Variants in DPH6 observed in about 807,000 individuals in gnomAD.
DPH6 encodes diphthine--ammonia ligase.
Under a neutral mutation model 38.2 loss-of-function variants are expected in DPH6, and 33 were observed. That is an observed-to-expected ratio of 0.86 (90% CI 0.65 to 1.15). The LOEUF is 1.15. DPH6 is among the 50% of genes most tolerant of loss of function. The pLI is 0.00. For missense variants in DPH6, 325 were observed against 320.0 expected (o/e 1.02, Z -0.12); for synonymous variants, 108 against 103.0 (o/e 1.05, Z -0.30).
chr15:35,335,372 TTTTTA>T (rs202062754), intron 3 of DPH6, among the ~76,000 whole-genome samples: 241 of 152,184 alleles, frequency 1.6e-3, no homozygotes, highest in African/African-American at 5.2e-3. Context: ...GTTTTTTTAT[TTTTTA>T]TTTTATTTTA....
chr15:35,365,680 A>T (rs2052652299), intron 3 of DPH6, among the ~76,000 whole-genome samples: 1 of 152,110 alleles, frequency 6.6e-6, no homozygotes, highest in Admixed American at 6.6e-5. Flanking sequence ...ACACTCTTGC[A>T]TTGCCCAGTT....
rs934714094 is a variant in DPH6, at chr15:35,375,822, C to CA, written c.663-2215dup. 8.3e-4 allele frequency among the ~76,000 whole-genome samples: 121 copies of CA among 145,656 alleles called. 2 individuals are homozygous for CA. The highest frequency in any genetic ancestry group is 2.2e-3 in the East Asian group (11 of 5,042). ...TGGGGTCAGGCTCTACCTCTCACCT[C>CA]AAAAAAAAAAATGGTATTCCCTCTT... On this transcript the variant is annotated intron_variant, in intron 7 of 8. Transcript: ENST00000256538.
intron 3 of DPH6, among the ~76,000 whole-genome samples, chr15:35,510,486 T>C (rs2054754391): frequency 6.6e-6 from 1 of 152,328 alleles, no homozygotes; most frequent in East Asian, 1.9e-4. Flanking sequence ...TATCAGGTAA[T>C]TTTCCTACAT....
In DPH6 at chr15:35,261,702, G is replaced by A. The variant is rs144346167; in HGVS notation, n.201-41120C>T. 2.5e-3 allele frequency among the ~76,000 whole-genome samples: 386 copies of A among 152,096 alleles called. 1 individual carries two copies. Among genetic ancestry groups the A allele is most frequent in the African/African-American group, 8.8e-3 (365 of 41,474 alleles). ...TAAAAAGTTATTTGGGTGTGGTGGC[G>A]TATGCTTGTAGTCTCAGCTACTTGA... On this transcript the variant is annotated intron_variant and non_coding_transcript_variant, in intron 3 of 3. Coordinates refer to the DPH6 transcript ENST00000560386.
At chr15:35,385,468 G>A (rs1052134118) in intron 6 of DPH6, among the ~76,000 whole-genome samples, 3 of 152,092 alleles carry the variant, frequency 2.0e-5, no homozygotes, top group Non-Finnish European at 4.4e-5. Context: ...GCCTTTGCAG[G>A]GACATGGATG....
chr15:35,546,120 T>C lies in DPH6; in HGVS notation c.22A>G (p.Ser8Gly), dbSNP rs745951697. The C allele has an allele frequency of 2.8e-6, 4 of 1,406,130 alleles. No individual in the cohort carries two copies. The highest frequency in any genetic ancestry group is 3.2e-5 in the South Asian group (2 of 62,724). The allele number at this position is 1,406,130 out of a possible 1,614,324, so 87.1% of individuals were successfully genotyped here. A position where few individuals can be genotyped will look rare whatever the true frequency, so the allele number is the denominator to read the frequency against. ...GAGGCGGCTCCAGGACCGCATTACC[T>C]GATCAGAGCCGCGACCCTCATGCTG... The part of the protein sequence containing the change: MRVAALI[S>G]GGKDSCYNMM... Residue 8 changes from serine to glycine, a missense_variant and splice_region_variant, in exon 1 of 9, where the codon AGT (serine) becomes GGT (glycine). Ser to Gly is a moderately conservative substitution (Grantham distance 56, BLOSUM62 0). Transcript: ENST00000256538.
At chr15:35,279,737 G>A (rs1433437244) in intron 3 of DPH6, among the ~76,000 whole-genome samples, 1 of 152,110 alleles carries the variant, frequency 6.6e-6, no homozygotes, top group African/African-American at 2.4e-5. Flanking sequence ...GCAGAACTGT[G>A]AGCCAATCAA....
At chr15:35,401,104 A>G in intron 6 of DPH6, 2 of 902,628 alleles carry the variant, frequency 2.2e-6, no homozygotes, top group Non-Finnish European at 3.7e-6. Context: ...TGCCTTTGTA[A>G]CCTTTGATGA....
chr15:35,440,893 T>C (rs1184621865), intron 5 of DPH6, among the ~76,000 whole-genome samples: 5 of 152,226 alleles, frequency 3.3e-5, no homozygotes, highest in South Asian at 2.1e-4. Context: ...GAGAAAATTT[T>C]TGCAATCTAT....
chr15:35,538,367 G>T lies in DPH6; in HGVS notation c.219C>A (p.Thr73=). Residue 73 remains threonine, a synonymous_variant, in exon 3 of 9, where the codon ACC becomes ACA. Transcript: ENST00000256538. The part of the protein sequence containing the change: ...EAMALPLYRR[T]IRGRSLDTRQ... ...TTGTATCCAAGCTCCTTCCTCTTAT[G>T]GTTCGGCGATAGAGGGGAAGAGCCA... is the stretch of plus-strand genomic sequence containing the variant. The T allele has an allele frequency of 6.2e-7, 1 of 1,611,840 alleles. No homozygotes were observed.
chr15:35,272,284 T>C (rs2051827180), intron 3 of DPH6, among the ~76,000 whole-genome samples: 1 of 152,182 alleles, frequency 6.6e-6, no homozygotes. Context: ...CCATTTAATA[T>C]AAGGCACTTG....
At chr15:35,474,278 T>G (rs979623250) in intron 3 of DPH6, among the ~76,000 whole-genome samples, 1 of 152,176 alleles carries the variant, frequency 6.6e-6, no homozygotes, top group Non-Finnish European at 1.5e-5. Context: ...TAATTAGCTC[T>G]GATCTACATA....
chr15:35,361,212 A>C (rs1777734386), intron 3 of DPH6, among the ~76,000 whole-genome samples: 1 of 152,158 alleles, frequency 6.6e-6, no homozygotes, highest in Admixed American at 6.5e-5. Context: ...TGGCCCTCCA[A>C]AGTCTTGGGC....
intron 3 of DPH6, among the ~76,000 whole-genome samples, chr15:35,225,163 A>C (rs2051472133): frequency 6.6e-6 from 1 of 152,160 alleles, no homozygotes; most frequent in African/African-American, 2.4e-5. Context: ...TTTGTCTCTC[A>C]ATCTGAGTTT....
At chr15:35,445,495 C>G (rs549413464) in intron 5 of DPH6, among the ~76,000 whole-genome samples, 4 of 146,554 alleles carry the variant, frequency 2.7e-5, no homozygotes, top group African/African-American at 1.0e-4. Flanking sequence ...ATTTTTTTTT[C>G]AATACGTATA....
the DPH6 span, among the ~76,000 whole-genome samples, chr15:35,188,602 C>T: frequency 1.3e-5 from 2 of 152,188 alleles, no homozygotes; most frequent in Non-Finnish European, 2.9e-5. Flanking sequence ...CTAAAACTTG[C>T]CTTGGTCTCT....
Position 35,432,177 on chromosome 15 carries a change from C to T in DPH6, c.505+18508G>A, listed in dbSNP as rs117488492. Among the ~76,000 whole-genome samples the T allele has an allele frequency of 5.4e-3, 818 of 151,516 alleles. 4 individuals carry two copies. The highest frequency in any genetic ancestry group is 7.5e-3 in the Non-Finnish European group (510 of 67,908). On this transcript the variant is annotated intron_variant, in intron 5 of 8. Transcript: ENST00000256538. ...AAGAGTCTTCCAGATAAACATAAAG[C>T]GTAGAGGTATATGAAATTAGAGGAA...
downstream of DPH6, among the ~76,000 whole-genome samples, chr15:35,212,622 GAGCA>G (rs2051393925): frequency 6.6e-6 from 1 of 152,210 alleles, no homozygotes; most frequent in South Asian, 2.1e-4. Context: ...TTTCATTAAA[GAGCA>G]AAGCATATTA....
the DPH6 span, among the ~76,000 whole-genome samples, chr15:35,210,024 G>A: frequency 6.6e-6 from 1 of 152,184 alleles, no homozygotes; most frequent in Non-Finnish European, 1.5e-5. Flanking sequence ...CCATGAAAGT[G>A]TGCTGAAGTC....
Sources: allele counts gnomAD v4.1 joint callset (sites outside exome capture counted in the v4.1 genomes callset), GRCh38; gene constraint gnomAD v4.1.1; transcripts MANE v1.5; gene names NCBI Gene and HGNC (gene_info 2026-07-23, HGNC 2026-07-21).